Variants in MAP1A observed in about 807,000 individuals in gnomAD.
MAP1A encodes microtubule-associated protein 1A.
In MAP1A, 42 loss-of-function variants were observed where a neutral mutation model predicts 185.9. That is an observed-to-expected ratio of 0.23 (90% CI 0.18 to 0.29). The LOEUF (loss-of-function observed/expected upper bound fraction) is 0.29. MAP1A is among the 10% of genes least tolerant of loss of function. The pLI is 1.00. For missense variants in MAP1A, 2,995 were observed against 3,450.4 expected (o/e 0.87, Z 3.31); for synonymous variants, 1,229 against 1,335.9 (o/e 0.92, Z 1.74).
At chr15:43,514,654 C>T (rs2079292062), upstream of MAP1A, among the ~76,000 whole-genome samples, 1 of 152,124 alleles carries the variant, frequency 6.6e-6, no homozygotes, top group Non-Finnish European at 1.5e-5. Context: ...AAGAAGGGAC[C>T]CTCTGATAAA....
Position 43,521,199 on chromosome 15 carries a change from A to G in MAP1A, c.-151+87A>G. ...AGGGAAAGTCTCATATTGCATGACC[A>G]TGGGGGGCCCTGGCAGAAAGGTAAG... On this transcript the variant is annotated intron_variant, in intron 3 of 5. Transcript: ENST00000300231. This position sits in a 1 kb window ranked among gnomAD's most constrained non-coding sequence, Gnocchi z 4.6. 6.8e-7 allele frequency: 1 copy of G among 1,477,720 alleles called. No individual in the cohort carries two copies. The allele number at this position is 1,477,720 out of a possible 1,614,324, so 91.5% of individuals were successfully genotyped here.
In MAP1A at chr15:43,529,777, G is replaced by A; in HGVS notation, c.8163G>A (p.Val2721=). The change falls in exon 5 of 6, where the codon GTG becomes GTA. Residue 2721 remains valine (V), a synonymous_variant. Coordinates refer to ENST00000300231, the MANE Select transcript of MAP1A (RefSeq NM_002373.6). The surrounding 1 kb of genome is among the most constrained non-coding windows in gnomAD (Gnocchi z 4.3). The part of the protein sequence containing the change: ...FFRRVRASYY[V]VSGNDPANGE... ...GTCGAGTGCGTGCATCCTACTATGT[G>A]GTCAGTGGGAATGACCCTGCCAATG... is the stretch of plus-strand genomic sequence containing the variant. The A allele has an allele frequency of 1.2e-6, 2 of 1,614,134 alleles. No homozygotes were observed. The highest frequency in any genetic ancestry group is 1.7e-6 in the Non-Finnish European group (2 of 1,180,022).
At position 43,521,049 on chromosome 15, in the gene MAP1A, C is replaced by G. The variant is rs766844363; in HGVS notation, c.-214C>G. The G allele has an allele frequency of 2.0e-5, 31 of 1,550,244 alleles. No homozygotes were observed. The highest frequency in any genetic ancestry group is 3.3e-4 in the Middle Eastern group (2 of 6,000). On this transcript the variant is annotated 5_prime_UTR_variant, in exon 3 of 6. Coordinates refer to ENST00000300231, the MANE Select transcript of MAP1A (RefSeq NM_002373.6). The surrounding 1 kb of genome is among the most constrained non-coding windows in gnomAD (Gnocchi z 4.6). ...GGCAAAGTTTAGAGCCTGGGGGAGA[C>G]CTCATCCTACAGAGTGGCACCTACT... is the stretch of plus-strand genomic sequence containing the variant.
Position 43,528,763 on chromosome 15 carries a change from C to T in MAP1A, c.7290C>T (p.Val2430=), listed in dbSNP as rs75806256. The T allele has an allele frequency of 1.1e-4, 178 of 1,613,356 alleles. 1 individual carries two copies. In the East Asian group the frequency reaches 2.2e-3, roughly 20 times the overall value. The change falls in exon 4 of 6, where the codon GTC becomes GTT. Residue 2430 remains valine (V), a synonymous_variant. Coordinates refer to ENST00000300231, the MANE Select transcript of MAP1A (RefSeq NM_002373.6). The part of the protein sequence containing the change: ...GGPPSSASPE[V]EAGPQGCATE... ...CACCCAGCAGTGCCTCTCCTGAGGT[C>T]GAAGCTGGGCCCCAGGGATGTGCCA...
chr15:43,512,834 A>C (rs2079286903), upstream of MAP1A, among the ~76,000 whole-genome samples: 2 of 152,208 alleles, frequency 1.3e-5, no homozygotes, highest in Non-Finnish European at 2.9e-5. Flanking sequence ...CCAGAGTGGA[A>C]GGAGGGGCTC....
exon 1 of MAP1A, chr15:43,511,115 G>T: frequency 6.4e-7 from 1 of 1,550,394 alleles, no homozygotes; most frequent in Non-Finnish European, 8.7e-7. Flanking sequence ...CGAGGCCGGA[G>T]CCGCGGTGGC....
At position 43,530,290 on chromosome 15, in the gene MAP1A, G is replaced by T; in HGVS notation, c.*66G>T. The T allele has an allele frequency of 1.9e-6, 3 of 1,583,602 alleles. No homozygotes were observed. The highest frequency in any genetic ancestry group is 2.6e-6 in the Non-Finnish European group (3 of 1,163,174). ...TCCTTTAGAGAATGGCTACTGCTGAGTCCTTTGGGGTTGAGGGAGATGGGA... is the reference window on the plus strand; with the variant it reads ...TCCTTTAGAGAATGGCTACTGCTGATTCCTTTGGGGTTGAGGGAGATGGGA... On this transcript the variant is annotated 3_prime_UTR_variant, in exon 6 of 6. Coordinates refer to ENST00000300231, the MANE Select transcript of MAP1A (RefSeq NM_002373.6).
chr15:43,525,524 G>A lies in MAP1A; in HGVS notation c.4051G>A (p.Asp1351Asn). Residue 1351 changes from aspartate (D) to asparagine (N), a missense_variant, in exon 4 of 6, where the codon GAC becomes AAC. Transcript: ENST00000300231. ...KWEDKVPGLKDRTSEQKKEPE... is the reference protein window; with the variant it reads ...KWEDKVPGLKNRTSEQKKEPE... ...GGAAGATAAAGTTCCAGGGTTGAAA[G>A]ACAGAACCTCAGAACAGAAGAAGGA... The A allele has an allele frequency of 1.2e-6, 2 of 1,614,250 alleles. No individual in the cohort carries two copies. The highest frequency in any genetic ancestry group is 1.7e-6 in the Non-Finnish European group (2 of 1,180,052).
rs762897688 is a variant in MAP1A at position 43,530,260 on chromosome 15, C to T, written c.*36C>T. 2 of 1,611,218 alleles carry T rather than the reference C, an allele frequency of 1.2e-6. No homozygotes were observed. Among genetic ancestry groups the T allele is most frequent in the Non-Finnish European group, 1.7e-6 (2 of 1,178,468 alleles). On this transcript the variant is annotated 3_prime_UTR_variant, in exon 6 of 6. Transcript: ENST00000300231. ...CTCCCTTCCCCAAGGATCCACTCCC[C>T]CAGCTCCTTTAGAGAATGGCTACTG...
intron 1 of MAP1A, among the ~76,000 whole-genome samples, chr15:43,511,767 A>C (rs1047192161): frequency 4.6e-5 from 7 of 152,154 alleles, no homozygotes; most frequent in African/African-American, 1.7e-4. Context: ...CTGCGGGTGG[A>C]AGCAAGCTGT....
In MAP1A at chr15:43,526,921, A is replaced by T; in HGVS notation, c.5448A>T (p.Gln1816His). 6.2e-7 allele frequency: 1 copy of T among 1,614,054 alleles called. No homozygotes were observed. Among genetic ancestry groups the T allele is most frequent in the East Asian group, 2.2e-5 (1 of 44,888 alleles). Residue 1816 changes from glutamine to histidine, a missense_variant, in exon 4 of 6, where the codon CAA (glutamine) becomes CAT (histidine). This residue lies in a region of MAP1A where 2,728 missense variants were observed against 2,986.0 expected (regional missense o/e 0.91). Transcript: ENST00000300231. This position sits in a 1 kb window ranked among gnomAD's most constrained non-coding sequence, Gnocchi z 4.7. ...AAAGGGTTCCTTCAGCCCCAGGACA[A>T]GAGAGTCCTATCCCAGACCCTAAGC... ...VGQRVPSAPGQESPIPDPKLM... is the reference protein window; with the variant it reads ...VGQRVPSAPGHESPIPDPKLM...
Position 43,527,964 on chromosome 15 carries a change from C to T in MAP1A, c.6491C>T (p.Pro2164Leu). Residue 2164 changes from proline (P) to leucine (L), a missense_variant, in exon 4 of 6, where the codon CCT becomes CTT. Pro to Leu is a moderately conservative substitution (Grantham distance 98, BLOSUM62 -3). Coordinates refer to ENST00000300231, the MANE Select transcript of MAP1A (RefSeq NM_002373.6). ...CCTGCCCGACCCAGTCTGGACTTCC[C>T]TGCTTCAGCCTTTGGCTTCTCCTCA... ...LGPARPSLDF[P>L]ASAFGFSSLQ... The T allele has an allele frequency of 6.2e-7, 1 of 1,614,112 alleles. No individual in the cohort carries two copies.
In MAP1A at chr15:43,521,004, T is replaced by A; in HGVS notation, c.-259T>A. The A allele has an allele frequency of 6.5e-7, 1 of 1,550,234 alleles. No homozygotes were observed. Among genetic ancestry groups the A allele is most frequent in the Non-Finnish European group, 8.7e-7 (1 of 1,146,696 alleles). On this transcript the variant is annotated 5_prime_UTR_variant, in exon 3 of 6. Transcript: ENST00000300231. This position sits in a 1 kb window ranked among gnomAD's most constrained non-coding sequence, Gnocchi z 4.6. The stretch of plus-strand genomic sequence containing the variant: ...ATCTTCTTAGCAGCTCATCAGCTTA[T>A]AAACTACTAATCTTGAGTGGGCAAA...
chr15:43,518,225 T>A (rs1400908608), intron 1 of MAP1A, among the ~76,000 whole-genome samples: 1 of 152,064 alleles, frequency 6.6e-6, no homozygotes, highest in Non-Finnish European at 1.5e-5. Flanking sequence ...CACTAAGACG[T>A]GGCACGCGCC....
chr15:43,511,235 C>G, intron 1 of MAP1A: 1 of 1,544,180 alleles, frequency 6.5e-7, no homozygotes, highest in South Asian at 1.2e-5. Context: ...AGGTGAGCCA[C>G]TGTTCTGGCT....
rs1287340002 is a variant in MAP1A, at chr15:43,524,906, C to G, written c.3433C>G (p.Leu1145Val). 5 of 1,614,172 alleles carry G rather than the reference C, an allele frequency of 3.1e-6. No individual in the cohort carries two copies. In the African/African-American group the frequency reaches 5.3e-5, roughly 17 times the overall value. ...DEVLRYPDRSLSPEDAESLSV... is the reference protein window; with the variant it reads ...DEVLRYPDRSVSPEDAESLSV... ...GGTGCTCAGATATCCTGACCGAAGC[C>G]TCTCTCCTGAAGATGCAGAATCCCT... is the stretch of plus-strand genomic sequence containing the variant. Residue 1145 changes from leucine to valine, a missense_variant, in exon 4 of 6, where the codon CTC becomes GTC. Transcript: ENST00000300231.
chr15:43,530,023 C>A, intron 5 of MAP1A, 46 bp from the exon 6 acceptor site: 1 of 1,603,532 alleles, frequency 6.2e-7, no homozygotes, highest in Non-Finnish European at 8.5e-7. Context: ...CCTCACCTAC[C>A]TTCCCTTTAT....
At position 43,529,183 on chromosome 15, in the gene MAP1A, A is replaced by G; in HGVS notation, c.7710A>G (p.Pro2570=). ...CTCTCCCACAGCCAGACCCCCGCCC[A>G]TCCCCTCCCCGCCCTGATGTGTGCA... ...PPPLPQPDPR[P]SPPRPDVCMA... The change falls in exon 4 of 6, where the codon CCA becomes CCG. Residue 2570 remains proline, a synonymous_variant. Transcript: ENST00000300231. This position sits in a 1 kb window ranked among gnomAD's most constrained non-coding sequence, Gnocchi z 4.3. 1 of 869,358 alleles carries G rather than the reference A, an allele frequency of 1.2e-6. No homozygotes were observed. The highest frequency in any genetic ancestry group is 1.3e-5 in the South Asian group (1 of 77,732). 53.9% of individuals were successfully genotyped at this position (869,358 alleles called of 1,614,324 possible).
chr15:43,528,736 C>T lies in MAP1A; in HGVS notation c.7263C>T (p.Gly2421=), dbSNP rs202102929. The part of the protein sequence containing the change: ...QPVCPAGGSG[G]PPSSASPEVE... Reference sequence around the variant, plus strand: ...TGTGTCCTGCAGGGGGCTCCGGGGGCCCACCCAGCAGTGCCTCTCCTGAGG... The same window carrying T: ...TGTGTCCTGCAGGGGGCTCCGGGGGTCCACCCAGCAGTGCCTCTCCTGAGG... The change falls in exon 4 of 6, where the codon GGC becomes GGT. Residue 2421 remains glycine, a synonymous_variant. Transcript: ENST00000300231. 212 of 1,613,000 alleles carry T rather than the reference C, an allele frequency of 1.3e-4. No individual in the cohort carries two copies. The East Asian group carries it at 3.7e-3, about 28-fold the overall frequency.
Sources: allele counts gnomAD v4.1 joint callset (sites outside exome capture counted in the v4.1 genomes callset), GRCh38; gene constraint gnomAD v4.1.1; regional missense constraint gnomAD v4.1.1; non-coding constraint Gnocchi (gnomAD v3.1); transcripts MANE v1.5; gene names NCBI Gene and HGNC (gene_info 2026-07-23, HGNC 2026-07-21).